MAGI2: variants seen among roughly 807,000 people sequenced by gnomAD.
MAGI2 encodes the protein membrane associated guanylate kinase, WW and PDZ domain containing 2.
Under a neutral mutation model 133.3 loss-of-function variants are expected in MAGI2, and 35 were observed. The ratio of observed to expected loss-of-function variants is 0.26; its 90% CI spans 0.20 to 0.35. MAGI2 has a LOEUF of 0.35. Ranked by LOEUF, MAGI2 falls within the 10% of genes least tolerant of loss-of-function variation. The pLI is 1.00. For synonymous variants in MAGI2, 729 were observed against 710.6 expected, an observed-to-expected ratio of 1.03 and a Z score of -0.41; for missense variants, 1,636 against 1,863.4, an observed-to-expected ratio of 0.88 and a Z score of 2.25.
At chr7:78,275,785 C>T (rs981144955) in intron 9 of MAGI2, among the ~76,000 whole-genome samples, 2 of 152,126 alleles carry the variant, frequency 1.3e-5, no homozygotes, top group African/African-American at 4.8e-5. Flanking sequence ...AACTGACAGT[C>T]GGTTGGATAA....
chr7:78,040,601 G>C (rs1477968563), intron 21 of MAGI2, among the ~76,000 whole-genome samples: 3 of 152,146 alleles, frequency 2.0e-5, no homozygotes, highest in African/African-American at 7.2e-5. Flanking sequence ...GTAGAGCAGC[G>C]GGGCTCAGCT....
chr7:79,419,316 A>G (rs2129178178), intron 1 of MAGI2, among the ~76,000 whole-genome samples: 1 of 152,178 alleles, frequency 6.6e-6, no homozygotes, highest in Non-Finnish European at 1.5e-5. Context: ...GGTTGCTGCC[A>G]TCATAGAATG....
At chr7:78,928,240 A>G (rs918574438) in intron 2 of MAGI2, among the ~76,000 whole-genome samples, 1 of 151,988 alleles carries the variant, frequency 6.6e-6, no homozygotes, top group East Asian at 1.9e-4. Context: ...AAGAAAAATT[A>G]CTTAAGTGTA....
At chr7:79,384,611 T>C (rs1046927676) in intron 1 of MAGI2, among the ~76,000 whole-genome samples, 4 of 151,796 alleles carry the variant, frequency 2.6e-5, no homozygotes, top group African/African-American at 7.2e-5. Context: ...TCATTAGCTA[T>C]TGAATTTCAC....
intron 2 of MAGI2, among the ~76,000 whole-genome samples, chr7:78,892,330 AT>A (rs1221083514): frequency 6.6e-6 from 1 of 152,188 alleles, no homozygotes; most frequent in African/African-American, 2.4e-5. Context: ...ATTCAATGCC[AT>A]CCCCATCAAG....
chr7:78,465,489 G>C (rs35636449), intron 6 of MAGI2, among the ~76,000 whole-genome samples: 4,882 of 152,206 alleles, frequency 0.032, 111 homozygotes, highest in East Asian at 0.1. Flanking sequence ...AGAAGTTGCT[G>C]TTTCAGAAAT....
At chr7:78,910,974 G>T (rs1798358528) in intron 2 of MAGI2, among the ~76,000 whole-genome samples, 1 of 152,128 alleles carries the variant, frequency 6.6e-6, no homozygotes, top group African/African-American at 2.4e-5. Context: ...GAATTCTATG[G>T]CCTATGTTTT....
intron 3 of MAGI2, among the ~76,000 whole-genome samples, chr7:78,572,783 C>A (rs1199878861): frequency 1.3e-5 from 2 of 151,706 alleles, no homozygotes; most frequent in Non-Finnish European, 2.9e-5. Flanking sequence ...CTGCCTTAGC[C>A]ACCCAAGTAG....
At chr7:79,429,764 T>C (rs1423147840) in intron 1 of MAGI2, among the ~76,000 whole-genome samples, 1 of 152,194 alleles carries the variant, frequency 6.6e-6, no homozygotes, top group Non-Finnish European at 1.5e-5. Flanking sequence ...AAGAATCTTC[T>C]ATTTTTCAGA....
At chr7:79,424,074 C>A (rs1324816543) in intron 1 of MAGI2, among the ~76,000 whole-genome samples, 1 of 152,002 alleles carries the variant, frequency 6.6e-6, no homozygotes, top group Non-Finnish European at 1.5e-5. Flanking sequence ...ACAAATTAAT[C>A]ACAGAATGTT....
intron 9 of MAGI2, among the ~76,000 whole-genome samples, chr7:78,330,615 CAAAAAAAAAAAAAAAAAAAA>C (rs4024122): frequency 2.9e-4 from 2 of 6,940 alleles, no homozygotes. Context: ...GACTCCGTCT[CAAAAAAAAAAAAAAAAAAAA>C]AAAAAAAAAG....
At chr7:78,661,568 T>C (rs1429265422) in intron 2 of MAGI2, among the ~76,000 whole-genome samples, 1 of 152,216 alleles carries the variant, frequency 6.6e-6, no homozygotes, top group Non-Finnish European at 1.5e-5. Flanking sequence ...AGATTCCATG[T>C]CTTTCGACTT....
chr7:78,332,115 GTA>G (rs766589979), intron 9 of MAGI2, among the ~76,000 whole-genome samples: 26 of 152,250 alleles, frequency 1.7e-4, no homozygotes, highest in Non-Finnish European at 3.4e-4. Flanking sequence ...GATAACATTT[GTA>G]TAGTTACCCC....
intron 11 of MAGI2, among the ~76,000 whole-genome samples, chr7:78,196,212 G>A (rs955016188): frequency 6.6e-6 from 1 of 151,794 alleles, no homozygotes; most frequent in Non-Finnish European, 1.5e-5. Context: ...ACTAGATTCA[G>A]AGGAGGTGTC....
intron 4 of MAGI2, among the ~76,000 whole-genome samples, chr7:78,505,278 A>T (rs1233768120): frequency 6.6e-6 from 1 of 152,190 alleles, no homozygotes; most frequent in African/African-American, 2.4e-5. Context: ...CTAATATCTA[A>T]TAGAAATAAA....
At chr7:78,792,749 A>T (rs1787281211) in intron 2 of MAGI2, among the ~76,000 whole-genome samples, 1 of 152,252 alleles carries the variant, frequency 6.6e-6, no homozygotes, top group East Asian at 1.9e-4. Context: ...GAAGTAATTC[A>T]TATAGTGAAA....
chr7:78,066,093 C>T (rs1813777328), intron 21 of MAGI2, among the ~76,000 whole-genome samples: 1 of 151,944 alleles, frequency 6.6e-6, no homozygotes, highest in African/African-American at 2.4e-5. Context: ...ACGTAGTGTC[C>T]CCATGTTTAT....
chr7:78,935,529 A>T (rs1465074961), intron 2 of MAGI2, among the ~76,000 whole-genome samples: 1 of 152,156 alleles, frequency 6.6e-6, no homozygotes, highest in Non-Finnish European at 1.5e-5. Context: ...ATTGTTCCTT[A>T]TGTTCATCTG....
intron 2 of MAGI2, among the ~76,000 whole-genome samples, chr7:78,882,872 C>A (rs1035514778): frequency 2.6e-5 from 4 of 151,970 alleles, no homozygotes; most frequent in Admixed American, 2.6e-4. Flanking sequence ...ATAATAAGAG[C>A]CATCTATGAC....
Sources: gnomAD v4.1 joint callset for allele counts (sites outside exome capture counted in the v4.1 genomes callset) on GRCh38, gnomAD v4.1.1 for gene constraint, MANE v1.5 for transcripts, NCBI Gene and HGNC (gene_info 2026-07-23, HGNC 2026-07-21) for gene names.